Variants in GRIN2A observed in about 807,000 individuals in gnomAD.
GRIN2A encodes the protein glutamate ionotropic receptor NMDA type subunit 2A, also known as glutamate receptor ionotropic, NMDA 2A.
GRIN2A carries 22 observed loss-of-function variants against 113.4 expected under a neutral mutation model. The ratio of observed to expected loss-of-function variants is 0.19; its 90% CI spans 0.14 to 0.28. GRIN2A has a LOEUF of 0.28. Among genes scored for constraint, GRIN2A ranks in the 10% least tolerant of loss-of-function variants. GRIN2A has a pLI of 1.00. For missense variants in GRIN2A, 1,502 were observed against 1,887.0 expected (o/e 0.80, Z 3.78); for synonymous variants, 827 against 738.4 (o/e 1.12, Z -1.94).
chr16:10,019,992 G>A (rs559372849), intron 2 of GRIN2A, among the ~76,000 whole-genome samples: 1 of 152,242 alleles, frequency 6.6e-6, no homozygotes, highest in East Asian at 1.9e-4. Context: ...TAATTAATTC[G>A]ATGGTGGTGA....
At position 9,763,749 on chromosome 16, in the gene GRIN2A, C is replaced by G; in HGVS notation, c.3795G>C (p.Gln1265His). ...QETGNPATGE[Q>H]VYQQDWAQNN... ...TCTGTGCCCAGTCCTGCTGGTAGAC[C>G]TGCTCCCCGGTGGCTGGGTTACCTG... The change falls in exon 13 of 13, where the codon CAG becomes CAC. Residue 1265 changes from glutamine to histidine, a missense_variant. Coordinates refer to ENST00000330684, the MANE Select transcript of GRIN2A (RefSeq NM_001134407.3). 1 of 1,614,156 alleles carries G rather than the reference C, an allele frequency of 6.2e-7. No individual in the cohort carries two copies. The highest frequency in any genetic ancestry group is 8.5e-7 in the Non-Finnish European group (1 of 1,180,022).
At chr16:10,148,114 T>A (rs2142282086) in intron 2 of GRIN2A, among the ~76,000 whole-genome samples, 1 of 152,254 alleles carries the variant, frequency 6.6e-6, no homozygotes, top group Non-Finnish European at 1.5e-5. Flanking sequence ...CTTCCCAACC[T>A]CTCAACATTG....
intron 3 of GRIN2A, among the ~76,000 whole-genome samples, chr16:9,893,424 A>G (rs1323741095): frequency 6.6e-6 from 1 of 152,036 alleles, no homozygotes; most frequent in Non-Finnish European, 1.5e-5. Context: ...TATTTGGGGT[A>G]TCTCTTATCA....
intron 2 of GRIN2A, among the ~76,000 whole-genome samples, chr16:10,076,316 C>T (rs2047871798): frequency 6.6e-6 from 1 of 152,160 alleles, no homozygotes; most frequent in South Asian, 2.1e-4. Context: ...ACCCAAAAAC[C>T]ATCCACAGGA....
chr16:10,024,852 GA>G (rs1201607322), intron 2 of GRIN2A, among the ~76,000 whole-genome samples: 1 of 152,218 alleles, frequency 6.6e-6, no homozygotes, highest in East Asian at 1.9e-4. Context: ...AGTAGACACA[GA>G]ATGGCTATTT....
chr16:9,975,697 T>A (rs955397930), intron 2 of GRIN2A, among the ~76,000 whole-genome samples: 5 of 152,186 alleles, frequency 3.3e-5, no homozygotes, highest in Admixed American at 2.6e-4. Flanking sequence ...CTGCATTAAA[T>A]GACTGTGGAC....
At chr16:9,914,552 T>A (rs933421807) in intron 3 of GRIN2A, among the ~76,000 whole-genome samples, 2 of 152,338 alleles carry the variant, frequency 1.3e-5, no homozygotes, top group South Asian at 4.1e-4. Flanking sequence ...AATTTCCCAA[T>A]GCACAAGTTC....
intron 2 of GRIN2A, among the ~76,000 whole-genome samples, chr16:10,008,995 C>A (rs144567666): frequency 1.3e-5 from 2 of 152,220 alleles, no homozygotes; most frequent in Non-Finnish European, 2.9e-5. Flanking sequence ...ATTTAGCTTA[C>A]ACTCTGATGG....
At chr16:10,039,108 G>A (rs1252890273) in intron 2 of GRIN2A, among the ~76,000 whole-genome samples, 4 of 152,084 alleles carry the variant, frequency 2.6e-5, no homozygotes, top group Admixed American at 6.5e-5. Context: ...TGCCCGCCCG[G>A]CAGGGAGCAG....
intron 4 of GRIN2A, among the ~76,000 whole-genome samples, chr16:9,880,703 C>A (rs1297043206): frequency 6.6e-6 from 1 of 152,210 alleles, no homozygotes; most frequent in African/African-American, 2.4e-5. Context: ...GCCTTGGGCA[C>A]TCTTGCCTCT....
At chr16:10,040,029 T>C (rs1567254324) in intron 2 of GRIN2A, among the ~76,000 whole-genome samples, 9 of 1,218 alleles carry the variant, frequency 7.4e-3, no homozygotes, top group Admixed American at 0.013. Context: ...CACACACAAA[T>C]ATACTACACA....
chr16:9,881,637 G>A (rs917397715), intron 4 of GRIN2A, among the ~76,000 whole-genome samples: 3 of 152,270 alleles, frequency 2.0e-5, no homozygotes, highest in African/African-American at 7.2e-5. Context: ...ATGGGGAAAA[G>A]AGTCTTTCCA....
At chr16:9,826,634 A>C (rs2141304737) in intron 9 of GRIN2A, among the ~76,000 whole-genome samples, 1 of 152,310 alleles carries the variant, frequency 6.6e-6, no homozygotes, top group Admixed American at 6.5e-5. Context: ...TCTTCTATTA[A>C]TCTTCTGGGA....
intron 2 of GRIN2A, among the ~76,000 whole-genome samples, chr16:9,967,134 A>G (rs1418158660): frequency 1.3e-5 from 2 of 152,124 alleles, no homozygotes; most frequent in African/African-American, 4.8e-5. Flanking sequence ...TCTTCCTGCG[A>G]CTCTGTGGTA....
chr16:9,963,081 C>T (rs1376572015), intron 2 of GRIN2A, among the ~76,000 whole-genome samples: 8 of 136,114 alleles, frequency 5.9e-5, no homozygotes, highest in African/African-American at 8.3e-5. Context: ...TGAGAACACA[C>T]GGACACAGGA....
intron 2 of GRIN2A, among the ~76,000 whole-genome samples, chr16:10,009,597 A>C (rs530655388): frequency 1.8e-4 from 27 of 152,290 alleles, no homozygotes; most frequent in African/African-American, 6.5e-4. Flanking sequence ...GGGTTGCAAT[A>C]GAGTCTGTGC....
chr16:9,798,431 G>C lies in GRIN2A; in HGVS notation c.2202C>G (p.Val734=), dbSNP rs367543138. 53 of 1,614,110 alleles carry C rather than the reference G, an allele frequency of 3.3e-5. No homozygotes were observed. In the African/African-American group the frequency reaches 6.4e-4, roughly 19 times the overall value. Residue 734 remains valine (V), a synonymous_variant, in exon 11 of 13, where the codon GTC becomes GTG. Transcript: ENST00000330684. ...CATCCCTCCCAGCCTTGTAATTCAA[G>C]ACTGCGGCATCGTAGATGAAAGCGT... ...KLDAFIYDAA[V]LNYKAGRDEG... is the part of the protein sequence containing the mutation.
At chr16:10,003,701 C>A (rs1349718876) in intron 2 of GRIN2A, among the ~76,000 whole-genome samples, 1 of 152,164 alleles carries the variant, frequency 6.6e-6, no homozygotes, top group Non-Finnish European at 1.5e-5. Context: ...AGAGGCAGAG[C>A]CACATGGAGT....
intron 2 of GRIN2A, among the ~76,000 whole-genome samples, chr16:10,052,891 TACA>T (rs1420884073): frequency 1.3e-5 from 2 of 151,942 alleles, no homozygotes; most frequent in East Asian, 3.9e-4. Context: ...CTACTAAAAA[TACA>T]ACAATTACCC....
Sources: allele counts gnomAD v4.1 joint callset (sites outside exome capture counted in the v4.1 genomes callset), GRCh38; gene constraint gnomAD v4.1.1; transcripts MANE v1.5; gene names NCBI Gene and HGNC (gene_info 2026-07-23, HGNC 2026-07-21).